Variants in KDM4C observed in about 807,000 individuals in gnomAD.
KDM4C encodes the protein lysine demethylase 4C, also known as lysine-specific demethylase 4C.
In KDM4C, 81 loss-of-function variants were observed where a neutral mutation model predicts 129.3. That is an observed-to-expected ratio of 0.63 (90% CI 0.52 to 0.75). KDM4C has a LOEUF of 0.75. Among genes scored for constraint, KDM4C ranks in the 30% least tolerant of loss-of-function variants. KDM4C has a pLI of 0.00. For missense variants in KDM4C, 1,457 were observed against 1,304.0 expected, an observed-to-expected ratio of 1.12 and a Z score of -1.81; for synonymous variants, 573 against 456.1, an observed-to-expected ratio of 1.26 and a Z score of -3.26.
intron 1 of KDM4C, among the ~76,000 whole-genome samples, chr9:6,780,838 C>T (rs1229725809): frequency 1.4e-5 from 2 of 142,904 alleles, no homozygotes; most frequent in Non-Finnish European, 3.0e-5. Flanking sequence ...ATGTAGATTT[C>T]AGCTCTCCAG....
intron 5 of KDM4C, among the ~76,000 whole-genome samples, chr9:6,854,557 C>G (rs1450409086): frequency 2.7e-5 from 3 of 111,028 alleles, no homozygotes; most frequent in Non-Finnish European, 5.7e-5. Flanking sequence ...AAAAAAAAAA[C>G]TAACTTTCAA....
At chr9:6,916,035 ACAT>A (rs1478700309) in intron 8 of KDM4C, among the ~76,000 whole-genome samples, 1 of 152,192 alleles carries the variant, frequency 6.6e-6, no homozygotes, top group African/African-American at 2.4e-5. Flanking sequence ...TTTGTGAGAG[ACAT>A]CATATTTGAC....
At chr9:6,873,125 T>G (rs12343971) in intron 5 of KDM4C, among the ~76,000 whole-genome samples, 12,201 of 152,124 alleles carry the variant, frequency 0.08, 909 homozygotes, top group East Asian at 0.28. Flanking sequence ...GACTCCCGAT[T>G]AGCTGAGATT....
chr9:6,933,693 G>A (rs954075500), intron 8 of KDM4C, among the ~76,000 whole-genome samples: 3 of 152,178 alleles, frequency 2.0e-5, no homozygotes, highest in Non-Finnish European at 2.9e-5. Flanking sequence ...GTAAGACAGT[G>A]TGTAAATCAC....
At chr9:6,787,430 G>A (rs1170674478) in intron 1 of KDM4C, among the ~76,000 whole-genome samples, 2 of 152,148 alleles carry the variant, frequency 1.3e-5, no homozygotes, top group African/African-American at 4.8e-5. Flanking sequence ...ACAGGGTTTT[G>A]CCATGTTGGC....
chr9:6,949,116 C>T lies in KDM4C; in HGVS notation c.922-31809C>T, dbSNP rs531935851. Among the ~76,000 whole-genome samples, 710 of 151,556 alleles carry T rather than the reference C, an allele frequency of 4.7e-3. 7 individuals carry two copies. Among genetic ancestry groups the T allele is most frequent in the African/African-American group, 0.015 (638 of 41,222 alleles). ...GGCGGCTGGCCGGGTGGAGACGCTCCTCACTTCCCAGACGGGGCGGCTGCT... is the reference window on the plus strand; with the variant it reads ...GGCGGCTGGCCGGGTGGAGACGCTCTTCACTTCCCAGACGGGGCGGCTGCT... On this transcript the variant is annotated intron_variant, in intron 8 of 21. Transcript: ENST00000381309.
upstream of KDM4C, chr9:6,757,596 G>A (rs147041553): frequency 1.5e-3 from 1,522 of 982,012 alleles, 5 homozygotes; most frequent in South Asian, 5.9e-3. Flanking sequence ...ACATTCCGAG[G>A]CTCCACCCCG....
chr9:6,767,273 G>T (rs1444086696), intron 1 of KDM4C, among the ~76,000 whole-genome samples: 1 of 151,584 alleles, frequency 6.6e-6, no homozygotes, highest in Non-Finnish European at 1.5e-5. Flanking sequence ...CGAGTAGCTG[G>T]GACTACAGGC....
chr9:7,048,976 G>C, intron 16 of KDM4C, 116 bp from the exon 17 acceptor site: 1 of 658,108 alleles, frequency 1.5e-6, no homozygotes, highest in South Asian at 1.8e-5. Context: ...ATGGATTTAG[G>C]CTTTTGGCTT....
At chr9:6,820,264 T>C (rs147957679) in intron 4 of KDM4C, among the ~76,000 whole-genome samples, 1 of 152,116 alleles carries the variant, frequency 6.6e-6, no homozygotes, top group Non-Finnish European at 1.5e-5. Context: ...GATGACTAAG[T>C]TCCAGTGAAA....
At chr9:6,745,599 T>A (rs820520) in intron 1 of KDM4C, among the ~76,000 whole-genome samples, 26,745 of 132,956 alleles carry the variant, frequency 0.2, 2,823 homozygotes, top group East Asian at 0.42. Flanking sequence ...AAAAAAAAAA[T>A]GCCATACTAT....
intron 19 of KDM4C, among the ~76,000 whole-genome samples, chr9:7,148,584 G>C (rs560544178): frequency 1.3e-5 from 2 of 152,208 alleles, no homozygotes; most frequent in Non-Finnish European, 2.9e-5. Flanking sequence ...CTACAGCTTG[G>C]TGAGGCAGCC....
chr9:7,170,602 T>C, intron 21 of KDM4C: 1 of 952,478 alleles, frequency 1.0e-6, no homozygotes, highest in Non-Finnish European at 1.3e-6. Context: ...GACCCTGAAA[T>C]GAAGTCAGTT....
intron 2 of KDM4C, among the ~76,000 whole-genome samples, chr9:6,804,858 G>A (rs72699695): frequency 0.069 from 10,464 of 151,910 alleles, 537 homozygotes; most frequent in Non-Finnish European, 0.11. Context: ...CAATAAAGAT[G>A]AACTTCTTTG....
upstream of KDM4C, chr9:6,757,860 T>C (rs1818513147): frequency 2.0e-6 from 2 of 985,430 alleles, no homozygotes; most frequent in Non-Finnish European, 2.4e-6. Flanking sequence ...AGCGCGGAAG[T>C]TGAGCCCAAA....
chr9:7,041,119 T>C (rs557614139), intron 15 of KDM4C, among the ~76,000 whole-genome samples: 94 of 152,042 alleles, frequency 6.2e-4, no homozygotes, highest in African/African-American at 2.1e-3. Flanking sequence ...TGGGTGGATA[T>C]GTGGATTCAA....
intron 5 of KDM4C, among the ~76,000 whole-genome samples, chr9:6,865,706 A>G (rs1034840460): frequency 1.3e-5 from 2 of 151,958 alleles, no homozygotes; most frequent in Non-Finnish European, 2.9e-5. Flanking sequence ...CTGGGATTAC[A>G]GGCATGTGCC....
intron 1 of KDM4C, chr9:6,734,817 T>G (rs1588043120): frequency 2.2e-6 from 1 of 452,312 alleles, no homozygotes; most frequent in East Asian, 5.5e-5. Context: ...TTCCATTGTT[T>G]TCTCTACAGG....
chr9:7,069,163 A>T (rs984124766), intron 17 of KDM4C, among the ~76,000 whole-genome samples: 1 of 152,206 alleles, frequency 6.6e-6, no homozygotes, highest in Non-Finnish European at 1.5e-5. Context: ...AGTGCTCAAT[A>T]AATATTCCTT....
Sources: allele counts gnomAD v4.1 joint callset (sites outside exome capture counted in the v4.1 genomes callset), GRCh38; gene constraint gnomAD v4.1.1; transcripts MANE v1.5; gene names NCBI Gene and HGNC (gene_info 2026-07-23, HGNC 2026-07-21).